The following OR6A2 variants were observed in gnomAD, a reference collection of about 807,000 sequenced individuals.
The protein encoded by OR6A2 is olfactory receptor family 6 subfamily A member 2, also known as olfactory receptor 6A2.
A neutral mutation model predicts 7.1 loss-of-function variants in OR6A2; 6 were observed. That is an observed-to-expected ratio of 0.85 (90% CI 0.46 to 1.68). OR6A2 has a LOEUF of 1.68. OR6A2 is among the 40% of genes most tolerant of loss of function. OR6A2 has a pLI of 0.01. For missense variants in OR6A2, 431 were observed against 398.0 expected (o/e 1.08, Z -0.71); for synonymous variants, 162 against 152.1 (o/e 1.06, Z -0.48).
In OR6A2 at chr11:6,794,637, C is replaced by CA; in HGVS notation, c.*87dup. On this transcript the variant is annotated 3_prime_UTR_variant, in exon 2 of 2. Transcript: ENST00000641196. ...GTGATGCCTTTGAAACTCTGGCCCC[C>CA]AATTTAGGCCCTAAGAACTCCACTG... is the stretch of plus-strand genomic sequence containing the variant. 1 of 1,512,040 alleles carries CA rather than the reference C, an allele frequency of 6.6e-7. No homozygotes were observed. The highest frequency in any genetic ancestry group is 1.3e-5 in the South Asian group (1 of 75,816). 93.7% of individuals were successfully genotyped at this position (1,512,040 alleles called of 1,614,324 possible).
chr11:6,798,193 G>A (rs546529872), intron 1 of OR6A2, among the ~76,000 whole-genome samples: 142 of 152,206 alleles, frequency 9.3e-4, no homozygotes, highest in African/African-American at 3.1e-3. Context: ...AATCTACTAT[G>A]TCTAGAATAA....
chr11:6,795,424 C>T lies in OR6A2; in HGVS notation c.285G>A (p.Gln95=). The change falls in exon 2 of 2, where the codon CAG becomes CAA. Residue 95 remains glutamine, a synonymous_variant. Coordinates refer to ENST00000641196, the MANE Select transcript of OR6A2 (RefSeq NM_003696.3). ...GFVGSKQDHG[Q]LISFEGCMTQ... is the part of the protein sequence containing the mutation. ...TCATGCATCCCTCAAAGGAGATTAG[C>T]TGTCCATGATCCTGTTTGGATCCAA... is the stretch of plus-strand genomic sequence containing the variant. 1 of 1,614,148 alleles carries T rather than the reference C, an allele frequency of 6.2e-7. No homozygotes were observed. The highest frequency in any genetic ancestry group is 8.5e-7 in the Non-Finnish European group (1 of 1,180,004).
At position 6,794,638 on chromosome 11, in the gene OR6A2, A is replaced by C. The variant is rs563450098; in HGVS notation, c.*87T>G. The C allele has an allele frequency of 6.6e-7, 1 of 1,516,508 alleles. No homozygotes were observed. The highest frequency in any genetic ancestry group is 2.3e-5 in the East Asian group (1 of 44,102). The allele number at this position is 1,516,508 out of a possible 1,614,324, so 93.9% of individuals were successfully genotyped here. On this transcript the variant is annotated 3_prime_UTR_variant, in exon 2 of 2. Transcript: ENST00000641196. ...TGATGCCTTTGAAACTCTGGCCCCC[A>C]ATTTAGGCCCTAAGAACTCCACTGG...
chr11:6,796,941 C>T (rs142142343), intron 1 of OR6A2, among the ~76,000 whole-genome samples: 3 of 152,142 alleles, frequency 2.0e-5, no homozygotes, highest in Admixed American at 6.6e-5. Context: ...CATCTGGGTG[C>T]GATTTCTTCT....
chr11:6,796,744 G>C (rs1168680586), intron 1 of OR6A2, among the ~76,000 whole-genome samples: 1 of 152,128 alleles, frequency 6.6e-6, no homozygotes, highest in East Asian at 1.9e-4. Flanking sequence ...TGGTATCAAA[G>C]ATAAAAATTT....
intron 1 of OR6A2, among the ~76,000 whole-genome samples, chr11:6,798,891 C>T (rs542742067): frequency 1.1e-4 from 17 of 152,216 alleles, no homozygotes; most frequent in African/African-American, 3.9e-4. Flanking sequence ...TAAGGTTTCA[C>T]TTACTGATTA....
At position 6,793,122 on chromosome 11, in the gene OR6A2, A is replaced by C. The variant is rs1355104047; in HGVS notation, c.*1603T>G. On this transcript the variant is annotated 3_prime_UTR_variant, in exon 2 of 2. Transcript: ENST00000641196. ...CCATCCCTGATCACAACCCCATTTC[A>C]GAAACTTCTTCTACGGGGACACTTC... The C allele has an allele frequency of 6.6e-6, 1 of 152,226 alleles. No homozygotes were observed. Among genetic ancestry groups the C allele is most frequent in the Non-Finnish European group, 1.5e-5 (1 of 68,028 alleles). The allele number at this position is 152,226 out of a possible 1,614,324, so 9.4% of individuals were successfully genotyped here. A position where few individuals can be genotyped will look rare whatever the true frequency, so the allele number is the denominator to read the frequency against.
At chr11:6,798,669 C>A (rs1256390376) in intron 1 of OR6A2, among the ~76,000 whole-genome samples, 1 of 152,158 alleles carries the variant, frequency 6.6e-6, no homozygotes, top group East Asian at 1.9e-4. Context: ...CTAATCATTG[C>A]CCACTATTTA....
intron 1 of OR6A2, among the ~76,000 whole-genome samples, chr11:6,797,530 C>A (rs896571356): frequency 1.3e-5 from 2 of 152,114 alleles, no homozygotes; most frequent in Non-Finnish European, 2.9e-5. Context: ...TCATTCATAT[C>A]CTTTGGTCAC....
At position 6,795,067 on chromosome 11, in the gene OR6A2, C is replaced by T; in HGVS notation, c.642G>A (p.Gly214=). 2 of 1,614,052 alleles carry T rather than the reference C, an allele frequency of 1.2e-6. No homozygotes were observed. Among genetic ancestry groups the T allele is most frequent in the South Asian group, 1.1e-5 (1 of 91,084 alleles). The part of the protein sequence containing the change: ...DFILAIFILL[G]PLSVTGASYV... The stretch of plus-strand genomic sequence containing the variant: ...AGGAGGCCCCAGTGACAGAGAGTGG[C>T]CCTAGAAGAATAAAAATGGCCAGGA... The change falls in exon 2 of 2, where the codon GGG becomes GGA. Residue 214 remains glycine (G), a synonymous_variant. Coordinates refer to ENST00000641196, the MANE Select transcript of OR6A2 (RefSeq NM_003696.3).
rs1160941727 is a variant in OR6A2, at chr11:6,794,487, A to C, written c.*238T>G. 2.0e-6 allele frequency: 1 copy of C among 501,562 alleles called. No homozygotes were observed. The highest frequency in any genetic ancestry group is 1.9e-5 in the African/African-American group (1 of 52,624). The allele number at this position is 501,562 out of a possible 1,614,324, so 31.1% of individuals were successfully genotyped here. ...GTCTATGCAAATTACAAAGGGACAG[A>C]CAATAGTGGACCCAGCTCTATCCTG... On this transcript the variant is annotated 3_prime_UTR_variant, in exon 2 of 2. Coordinates refer to ENST00000641196, the MANE Select transcript of OR6A2 (RefSeq NM_003696.3).
intron 1 of OR6A2, among the ~76,000 whole-genome samples, chr11:6,798,709 T>TA (rs1173425828): frequency 1.3e-5 from 2 of 152,220 alleles, no homozygotes; most frequent in African/African-American, 2.4e-5. Flanking sequence ...TGACGTTATA[T>TA]AACTCTGTAA....
Position 6,795,017 on chromosome 11 carries a change from A to G in OR6A2, c.692T>C (p.Met231Thr), listed in dbSNP as rs1166423090. 6.2e-7 allele frequency: 1 copy of G among 1,614,166 alleles called. No individual in the cohort carries two copies. Among genetic ancestry groups the G allele is most frequent in the Non-Finnish European group, 8.5e-7 (1 of 1,180,008 alleles). The change falls in exon 2 of 2, where the codon ATG (methionine) becomes ACG (threonine). Residue 231 changes from methionine to threonine, a missense_variant. By Grantham distance (81) the Met-to-Thr change is moderately conservative (BLOSUM62 -1). Coordinates refer to ENST00000641196, the MANE Select transcript of OR6A2 (RefSeq NM_003696.3). ...GCGTCCAGCAGCCGAAGGAATGTGC[A>G]TCACAGCACCAGTAATGGCCACATA... ...ASYVAITGAV[M>T]HIPSAAGRYK...
rs1473083965 is a variant in OR6A2 at position 6,793,879 on chromosome 11, C to T, written c.*846G>A. The T allele has an allele frequency of 1.3e-5, 2 of 152,096 alleles. No homozygotes were observed. Among genetic ancestry groups the T allele is most frequent in the African/African-American group, 4.8e-5 (2 of 41,404 alleles). The allele number at this position is 152,096 out of a possible 1,614,324, so 9.4% of individuals were successfully genotyped here. ...ATTTATAAGTAAAAGTGTCTATCTG[C>T]ACAAATCTTTCCGAATCAGAATGGT... On this transcript the variant is annotated 3_prime_UTR_variant, in exon 2 of 2. Transcript: ENST00000641196.
rs2133032728 is a variant in OR6A2 at position 6,792,223 on chromosome 11, T to C, written c.*2502A>G. 6.6e-6 allele frequency: 1 copy of C among 152,330 alleles called. No individual in the cohort carries two copies. Among genetic ancestry groups the C allele is most frequent in the South Asian group, 2.1e-4 (1 of 4,828 alleles). The allele number at this position is 152,330 out of a possible 1,614,324, so 9.4% of individuals were successfully genotyped here. ...GTCAATGTGATGTTTTAGCAAACAGTGAAATACACTGGCTTATTAGTCTCA... is the reference window on the plus strand; with the variant it reads ...GTCAATGTGATGTTTTAGCAAACAGCGAAATACACTGGCTTATTAGTCTCA... On this transcript the variant is annotated 3_prime_UTR_variant, in exon 2 of 2. Coordinates refer to ENST00000641196, the MANE Select transcript of OR6A2 (RefSeq NM_003696.3).
chr11:6,795,876 G>C lies in OR6A2; in HGVS notation c.-168C>G. ...AGGCCACTGCTCTCTTCTTTAATCT[G>C]GAAATGAGCTAAGGCAAACATACAA... On this transcript the variant is annotated 5_prime_UTR_variant, in exon 2 of 2. Coordinates refer to ENST00000641196, the MANE Select transcript of OR6A2 (RefSeq NM_003696.3). 1 of 603,290 alleles carries C rather than the reference G, an allele frequency of 1.7e-6. No individual in the cohort carries two copies. Among genetic ancestry groups the C allele is most frequent in the Non-Finnish European group, 2.9e-6 (1 of 339,864 alleles). 37.4% of individuals were successfully genotyped at this position (603,290 alleles called of 1,614,324 possible).
At chr11:6,796,735 G>T (rs1398859151) in intron 1 of OR6A2, among the ~76,000 whole-genome samples, 1 of 152,100 alleles carries the variant, frequency 6.6e-6, no homozygotes, top group Non-Finnish European at 1.5e-5. Flanking sequence ...TGTTTACCTT[G>T]GTATCAAAGA....
chr11:6,793,892 G>A lies in OR6A2; in HGVS notation c.*833C>T, dbSNP rs982871552. On this transcript the variant is annotated 3_prime_UTR_variant, in exon 2 of 2. Coordinates refer to ENST00000641196, the MANE Select transcript of OR6A2 (RefSeq NM_003696.3). ...AGTGTCTATCTGCACAAATCTTTCC[G>A]AATCAGAATGGTTGCAATATTTTTA... 4 of 152,022 alleles carry A rather than the reference G, an allele frequency of 2.6e-5. No homozygotes were observed. The highest frequency in any genetic ancestry group is 4.8e-5 in the African/African-American group (2 of 41,394). The allele number at this position is 152,022 out of a possible 1,614,324, so 9.4% of individuals were successfully genotyped here.
Position 6,795,059 on chromosome 11 carries a change from G to C in OR6A2, c.650C>G (p.Ser217Cys), listed in dbSNP as rs756357550. ...GGCCACATAGGAGGCCCCAGTGACA[G>C]AGAGTGGCCCTAGAAGAATAAAAAT... is the stretch of plus-strand genomic sequence containing the variant. ...LAIFILLGPL[S>C]VTGASYVAIT... Residue 217 changes from serine to cysteine, a missense_variant, in exon 2 of 2, where the codon TCT becomes TGT. Coordinates refer to ENST00000641196, the MANE Select transcript of OR6A2 (RefSeq NM_003696.3). 7 of 1,608,818 alleles carry C rather than the reference G, an allele frequency of 4.4e-6. No homozygotes were observed. The highest frequency in any genetic ancestry group is 3.3e-4 in the Middle Eastern group (2 of 6,024).
Sources: allele counts gnomAD v4.1 joint callset (sites outside exome capture counted in the v4.1 genomes callset), GRCh38; gene constraint gnomAD v4.1.1; transcripts MANE v1.5; gene names NCBI Gene and HGNC (gene_info 2026-07-23, HGNC 2026-07-21).